Variants in PRDM2 observed in about 807,000 individuals in gnomAD.
PRDM2 encodes PR domain zinc finger protein 2.
Under a neutral mutation model 130.0 loss-of-function variants are expected in PRDM2, and 30 were observed. The observed-to-expected ratio is 0.23, with a 90% CI of 0.17 to 0.31. PRDM2 has a LOEUF of 0.31. Ranked by LOEUF, PRDM2 falls within the 10% of genes least tolerant of loss-of-function variation. The probability of loss-of-function intolerance (pLI) is 1.00; values close to 1 mark genes in which losing one functional copy is unlikely to be tolerated. For synonymous variants in PRDM2, 871 were observed against 782.4 expected (o/e 1.11, Z -1.89); for missense variants, 2,011 against 2,108.4 (o/e 0.95, Z 0.90).
chr1:13,729,125 T>C (rs1643019913), intron 2 of PRDM2, among the ~76,000 whole-genome samples: 1 of 152,202 alleles, frequency 6.6e-6, no homozygotes, highest in South Asian at 2.1e-4. Context: ...GAGACACTGA[T>C]AATACCTGTC....
chr1:13,744,932 CTTA>C lies in PRDM2; in HGVS notation c.384+2783_384+2785del, dbSNP rs1390520771. 1.1e-4 allele frequency among the ~76,000 whole-genome samples: 17 copies of C among 152,290 alleles called. No homozygotes were observed. In the East Asian group the frequency reaches 2.1e-3, roughly 19 times the overall value. ...CTCTGTGGGCTCTGTATCTTCTCAA[CTTA>C]TTATTATACCCAGATAATTGGGAAA... On this transcript the variant is annotated intron_variant, in intron 5 of 9. Coordinates refer to ENST00000311066, the MANE Select transcript of PRDM2 (RefSeq NM_001393986.1).
In PRDM2 at chr1:13,749,393, G is replaced by T; in HGVS notation, c.417G>T (p.Trp139Cys). The T allele has an allele frequency of 6.7e-7, 1 of 1,503,248 alleles. No homozygotes were observed. Among genetic ancestry groups the T allele is most frequent in the Non-Finnish European group, 9.0e-7 (1 of 1,112,250 alleles). 93.1% of individuals were successfully genotyped at this position (1,503,248 alleles called of 1,614,324 possible). Residue 139 changes from tryptophan (W) to cysteine (C), a missense_variant, in exon 6 of 10, where the codon TGG (tryptophan) becomes TGT (cysteine). By Grantham distance (215) the Trp-to-Cys change is radical. Around this residue, in one of 5 missense-constraint regions of PRDM2, gnomAD observed 1,288 missense variants for 1,237.7 expected, o/e 1.04. Coordinates refer to ENST00000311066, the MANE Select transcript of PRDM2 (RefSeq NM_001393986.1). ...CGCCGGGCGAGGAGCTCCTGGTCTG[G>T]TACAATGGGGAAGACAACCCTGAGA... is the stretch of plus-strand genomic sequence containing the variant. ...PIAPGEELLV[W>C]YNGEDNPEIA...
intron 4 of PRDM2, among the ~76,000 whole-genome samples, chr1:13,739,917 G>A (rs1232760074): frequency 9.2e-5 from 14 of 152,064 alleles, no homozygotes; most frequent in African/African-American, 3.4e-4. Flanking sequence ...GGTTAAAATT[G>A]TTTTGCTTTC....
intron 8 of PRDM2, chr1:13,786,997 A>T (rs924063284): frequency 2.0e-6 from 2 of 986,428 alleles, no homozygotes; most frequent in African/African-American, 1.7e-5. Context: ...CCTTTCTTTT[A>T]AATTAATTAT....
At position 13,782,800 on chromosome 1, in the gene PRDM2, G is replaced by A. The variant is rs1375149895; in HGVS notation, c.5005G>A (p.Gly1669Ser). The change falls in exon 8 of 10, where the codon GGC becomes AGC. Residue 1669 changes from glycine to serine, a missense_variant. This residue lies in a region of PRDM2 where 410 missense variants were observed against 395.9 expected (regional missense o/e 1.04). Coordinates refer to ENST00000311066, the MANE Select transcript of PRDM2 (RefSeq NM_001393986.1). ...CTTGAGTGAGAACAAGAGAGAGGAC[G>A]GCAGCGCCAAGCAGGAGCTGAAGGA... Reference protein sequence around the residue: ...ADLSENKREDGSAKQELKDFS... With the variant: ...ADLSENKREDSSAKQELKDFS... 3.7e-6 allele frequency: 6 copies of A among 1,608,572 alleles called. No homozygotes were observed. The highest frequency in any genetic ancestry group is 1.7e-5 in the Admixed American group (1 of 58,550).
In PRDM2 at chr1:13,779,246, C is replaced by G. The variant is rs141226308; in HGVS notation, c.1451C>G (p.Pro484Arg). ...AATGGGGAAGTTAAAGAACTTCATCCGTGCAAATATTGTAAAAAGGTTTTT... is the reference window on the plus strand; with the variant it reads ...AATGGGGAAGTTAAAGAACTTCATCGGTGCAAATATTGTAAAAAGGTTTTT... Reference protein sequence around the residue: ...EENGEVKELHPCKYCKKVFGT... With the variant: ...EENGEVKELHRCKYCKKVFGT... Residue 484 changes from proline to arginine, a missense_variant, in exon 8 of 10, where the codon CCG becomes CGG. Pro to Arg is a moderately radical substitution (Grantham distance 103). Transcript: ENST00000311066. This position sits in a 1 kb window ranked among gnomAD's most constrained non-coding sequence, Gnocchi z 4.9. 2 of 1,614,074 alleles carry G rather than the reference C, an allele frequency of 1.2e-6. No individual in the cohort carries two copies. The highest frequency in any genetic ancestry group is 1.7e-6 in the Non-Finnish European group (2 of 1,179,976).
intron 4 of PRDM2, 47 bp downstream of exon 4, chr1:13,732,929 A>G (rs1557606364): frequency 8.0e-7 from 1 of 1,250,884 alleles, no homozygotes; most frequent in Admixed American, 2.2e-5. Flanking sequence ...TTATGAAATA[A>G]TTATTCTGTT....
In PRDM2 at chr1:13,752,611, A is replaced by AT. The variant is rs1643870152; in HGVS notation, c.511+3125dup. 4.6e-5 allele frequency among the ~76,000 whole-genome samples: 7 copies of AT among 152,330 alleles called. No individual in the cohort carries two copies. The South Asian group carries it at 1.4e-3, about 32-fold the overall frequency. ...TGAATTTGCTTGTTAGCAGTAAGCA[A>AT]TGACTGTTGGCAAATGCTCTTCCAG... On this transcript the variant is annotated intron_variant, in intron 6 of 9. Transcript: ENST00000311066.
chr1:13,749,590 G>T, intron 6 of PRDM2, 103 bp downstream of exon 6: 8 of 785,896 alleles, frequency 1.0e-5, no homozygotes, highest in Non-Finnish European at 1.2e-5. Flanking sequence ...GGCGGGTCGC[G>T]GGCTCGGGCG....
chr1:13,810,246 A>G (rs1645149567), intron 8 of PRDM2, among the ~76,000 whole-genome samples: 1 of 152,186 alleles, frequency 6.6e-6, no homozygotes, highest in African/African-American at 2.4e-5. Flanking sequence ...ATCATGGCAC[A>G]TACATGGCCT....
At chr1:13,794,718 T>C (rs970572033) in intron 8 of PRDM2, among the ~76,000 whole-genome samples, 2 of 152,224 alleles carry the variant, frequency 1.3e-5, no homozygotes, top group African/African-American at 2.4e-5. Flanking sequence ...ATCACTATTA[T>C]GACTGACTGA....
intron 9 of PRDM2, among the ~76,000 whole-genome samples, chr1:13,820,015 A>G (rs1645322904): frequency 6.6e-6 from 1 of 152,182 alleles, no homozygotes; most frequent in African/African-American, 2.4e-5. Context: ...ACAGCAAAGT[A>G]TTTTAGTTCA....
Position 13,778,664 on chromosome 1 carries a change from A to C in PRDM2, c.869A>C (p.Glu290Ala). The C allele has an allele frequency of 6.2e-7, 1 of 1,614,080 alleles. No individual in the cohort carries two copies. Among genetic ancestry groups the C allele is most frequent in the Non-Finnish European group, 8.5e-7 (1 of 1,179,938 alleles). Residue 290 changes from glutamate (E) to alanine (A), a missense_variant, in exon 8 of 10, where the codon GAA (glutamate) becomes GCA (alanine). Coordinates refer to ENST00000311066, the MANE Select transcript of PRDM2 (RefSeq NM_001393986.1). ...GAAGATGATGATGATGATGAGTTGG[A>C]AGACGAGGGGGAAGAAGAAGCCAGC... is the stretch of plus-strand genomic sequence containing the variant. ...EEEDDDDDEL[E>A]DEGEEEASMP...
At chr1:13,749,766 T>G (rs1448661349) in intron 6 of PRDM2, among the ~76,000 whole-genome samples, 1 of 151,988 alleles carries the variant, frequency 6.6e-6, no homozygotes, top group East Asian at 1.9e-4. Context: ...TTTCTTAACT[T>G]GTGACTTAGC....
intron 8 of PRDM2, among the ~76,000 whole-genome samples, chr1:13,804,951 G>A (rs2100741067): frequency 1.3e-5 from 2 of 152,324 alleles, no homozygotes; most frequent in South Asian, 4.1e-4. Flanking sequence ...CTACTATGGG[G>A]ACTGTGTCAG....
At chr1:13,727,599 C>T (rs1008544884) in intron 2 of PRDM2, among the ~76,000 whole-genome samples, 4 of 152,168 alleles carry the variant, frequency 2.6e-5, no homozygotes, top group Admixed American at 6.5e-5. Flanking sequence ...AGGCATGTGT[C>T]CCCTTTTTTG....
intron 2 of PRDM2, among the ~76,000 whole-genome samples, chr1:13,725,764 T>C (rs1189807405): frequency 1.3e-5 from 2 of 152,064 alleles, no homozygotes; most frequent in Non-Finnish European, 2.9e-5. Context: ...GCAGACAACA[T>C]CTTAGTGTTG....
At chr1:13,730,806 G>C (rs1408467472) in intron 2 of PRDM2, among the ~76,000 whole-genome samples, 194 bp from the exon 3 acceptor site, 1 of 151,940 alleles carries the variant, frequency 6.6e-6, no homozygotes, top group African/African-American at 2.4e-5. Context: ...GGTTGCAGTG[G>C]TTTCCTTTGG....
intron 7 of PRDM2, among the ~76,000 whole-genome samples, chr1:13,777,098 T>C (rs893465273): frequency 6.6e-6 from 1 of 152,180 alleles, no homozygotes; most frequent in African/African-American, 2.4e-5. Flanking sequence ...AGACCACAGT[T>C]GCTTCTCTTG....
Sources: gnomAD v4.1 joint callset for allele counts (sites outside exome capture counted in the v4.1 genomes callset) on GRCh38, gnomAD v4.1.1 for gene constraint, gnomAD v4.1.1 regional missense constraint, Gnocchi (gnomAD v3.1) non-coding constraint, MANE v1.5 for transcripts, NCBI Gene and HGNC (gene_info 2026-07-23, HGNC 2026-07-21) for gene names.